TOGARAM1: variants seen among roughly 807,000 people sequenced by gnomAD.
The protein encoded by TOGARAM1 is TOG array regulator of axonemal microtubules 1.
Under a neutral mutation model 166.6 loss-of-function variants are expected in TOGARAM1, and 100 were observed. The observed-to-expected ratio is 0.60, with a 90% CI of 0.51 to 0.71. The LOEUF (loss-of-function observed/expected upper bound fraction) is 0.71. Among genes scored for constraint, TOGARAM1 ranks in the 30% least tolerant of loss-of-function variants. TOGARAM1 has a pLI of 0.00. For synonymous variants in TOGARAM1, 758 were observed against 763.8 expected, an observed-to-expected ratio of 0.99 and a Z score of 0.13; for missense variants, 2,029 against 2,102.7, an observed-to-expected ratio of 0.96 and a Z score of 0.69.
intron 16 of TOGARAM1, among the ~76,000 whole-genome samples, chr14:45,065,154 A>G (rs1462081110): frequency 6.6e-6 from 1 of 152,026 alleles, no homozygotes; most frequent in Non-Finnish European, 1.5e-5. Context: ...ACTCTTTCTC[A>G]AAAATAAATT....
chr14:45,067,517 A>T (rs543305781), intron 17 of TOGARAM1, among the ~76,000 whole-genome samples: 1 of 152,248 alleles, frequency 6.6e-6, no homozygotes, highest in Non-Finnish European at 1.5e-5. Flanking sequence ...TTTTTGCTTG[A>T]TCAGAATTTA....
chr14:44,984,689 C>T (rs1182787704), intron 1 of TOGARAM1, among the ~76,000 whole-genome samples: 1 of 151,534 alleles, frequency 6.6e-6, no homozygotes. Context: ...GTAGAAGGAT[C>T]GATAGAGCCC....
chr14:44,971,172 T>C (rs1400273036), intron 1 of TOGARAM1, among the ~76,000 whole-genome samples: 2 of 152,194 alleles, frequency 1.3e-5, no homozygotes, highest in African/African-American at 2.4e-5. Context: ...AATCCACCAG[T>C]AAACCCATCT....
At chr14:44,992,070 G>C (rs7153451) in intron 1 of TOGARAM1, among the ~76,000 whole-genome samples, 14,744 of 55,102 alleles carry the variant, frequency 0.27, 2,066 homozygotes, top group African/African-American at 0.51. Flanking sequence ...GACCCTGTCT[G>C]TTAAAAAAAA....
intron 1 of TOGARAM1, among the ~76,000 whole-genome samples, chr14:44,968,735 A>G (rs1337974141): frequency 7.2e-5 from 11 of 152,208 alleles, no homozygotes; most frequent in Admixed American, 2.0e-4. Flanking sequence ...CATAGTTTAC[A>G]TTAAGATTCA....
intron 15 of TOGARAM1, 72 bp downstream of exon 15, chr14:45,052,634 G>A (rs1442398840): frequency 2.2e-5 from 30 of 1,339,928 alleles, no homozygotes; most frequent in Non-Finnish European, 3.1e-5. Flanking sequence ...GTAAAGGATA[G>A]GAATAATTAT....
chr14:45,021,514 T>G (rs936295035), intron 7 of TOGARAM1, among the ~76,000 whole-genome samples: 1 of 152,070 alleles, frequency 6.6e-6, no homozygotes, highest in African/African-American at 2.4e-5. Context: ...ATTTACGATT[T>G]TAGTTACTTT....
chr14:45,013,571 A>G (rs1802497123), intron 7 of TOGARAM1, among the ~76,000 whole-genome samples: 1 of 152,230 alleles, frequency 6.6e-6, no homozygotes, highest in African/African-American at 2.4e-5. Context: ...GTATTCATAC[A>G]TTACACAACT....
At chr14:44,992,692 A>G (rs963539195) in intron 1 of TOGARAM1, among the ~76,000 whole-genome samples, 10 of 132,772 alleles carry the variant, frequency 7.5e-5, no homozygotes, top group Middle Eastern at 4.6e-3. Context: ...ATCCTGGCTC[A>G]CTGCAAGCTC....
At chr14:45,015,524 A>G (rs1468778312) in intron 7 of TOGARAM1, among the ~76,000 whole-genome samples, 1 of 151,286 alleles carries the variant, frequency 6.6e-6, no homozygotes, top group Non-Finnish European at 1.5e-5. Context: ...AAACATTCAA[A>G]TGTAAATTAA....
intron 1 of TOGARAM1, among the ~76,000 whole-genome samples, chr14:44,991,857 A>G (rs963286046): frequency 4.6e-5 from 7 of 152,094 alleles, no homozygotes; most frequent in East Asian, 1.9e-4. Flanking sequence ...TCTTATTTCT[A>G]TAGTTTGCAT....
chr14:44,966,596 A>AT (rs1273115144), intron 1 of TOGARAM1, among the ~76,000 whole-genome samples: 2 of 152,048 alleles, frequency 1.3e-5, no homozygotes, highest in African/African-American at 4.8e-5. Context: ...ATTACATATT[A>AT]TTTTTTGTTA....
intron 1 of TOGARAM1, among the ~76,000 whole-genome samples, chr14:44,971,654 T>C (rs541463846): frequency 2.6e-4 from 40 of 152,326 alleles, no homozygotes; most frequent in African/African-American, 9.6e-4. Flanking sequence ...CGATTTTAGA[T>C]CTTTCTTCTT....
In TOGARAM1 at chr14:45,046,633, G is replaced by A. The variant is rs1882080972; in HGVS notation, c.4243G>A (p.Ala1415Thr). ...FMEPERILSA[A>T]KDMAERILPA... is the part of the protein sequence containing the mutation. ...GGAACCAGAACGTATTTTATCTGCA[G>A]CAAAGGATATGGCTGAACGCATATT... is the stretch of plus-strand genomic sequence containing the variant. Residue 1415 changes from alanine (A) to threonine (T), a missense_variant, in exon 14 of 20, where the codon GCA becomes ACA. By Grantham distance (58) the Ala-to-Thr change is moderately conservative. Transcript: ENST00000361462. 7.1e-7 allele frequency: 1 copy of A among 1,416,346 alleles called. No homozygotes were observed. The highest frequency in any genetic ancestry group is 1.7e-5 in the South Asian group (1 of 58,938). 87.7% of individuals were successfully genotyped at this position (1,416,346 alleles called of 1,614,324 possible).
chr14:45,043,696 A>T lies in TOGARAM1; in HGVS notation c.3823A>T (p.Ile1275Phe). ...TTCTTTTTCTCATAGGGAGAAGAAA[A>T]TTGAGGGACTGAATTTTATTAGATG... is the stretch of plus-strand genomic sequence containing the variant. The part of the protein sequence containing the change: ...LLADEDWEKK[I>F]EGLNFIRCLA... The change falls in exon 12 of 20, where the codon ATT becomes TTT. Residue 1275 changes from isoleucine (I) to phenylalanine (F), a missense_variant. By Grantham distance (21) the Ile-to-Phe change is conservative. Coordinates refer to ENST00000361462, the MANE Select transcript of TOGARAM1 (RefSeq NM_001308120.2). 6.2e-7 allele frequency: 1 copy of T among 1,601,102 alleles called. No homozygotes were observed. The highest frequency in any genetic ancestry group is 8.6e-7 in the Non-Finnish European group (1 of 1,168,290).
intron 1 of TOGARAM1, among the ~76,000 whole-genome samples, chr14:44,985,049 T>A (rs1427857009): frequency 2.6e-5 from 4 of 151,832 alleles, no homozygotes. Flanking sequence ...AGTCTCGCTC[T>A]GTCACCCAGG....
At chr14:45,063,263 G>A (rs1034503928) in intron 16 of TOGARAM1, among the ~76,000 whole-genome samples, 15 of 151,942 alleles carry the variant, frequency 9.9e-5, no homozygotes, top group Non-Finnish European at 1.8e-4. Flanking sequence ...GTTTTGTTGT[G>A]GACATATGTT....
intron 13 of TOGARAM1, among the ~76,000 whole-genome samples, chr14:45,045,682 C>T (rs12893401): frequency 5.8e-5 from 5 of 85,634 alleles, no homozygotes; most frequent in African/African-American, 3.0e-4. Context: ...TATATATATA[C>T]ACATATATAC....
At chr14:45,073,196 A>G (rs1352885121) in intron 19 of TOGARAM1, 100 bp from the exon 20 acceptor site, 2 of 1,165,698 alleles carry the variant, frequency 1.7e-6, no homozygotes, top group East Asian at 2.6e-5. Flanking sequence ...GACAAATTAC[A>G]TAAGGAAGAA....
Sources: gnomAD v4.1 joint callset for allele counts (sites outside exome capture counted in the v4.1 genomes callset) on GRCh38, gnomAD v4.1.1 for gene constraint, MANE v1.5 for transcripts, NCBI Gene and HGNC (gene_info 2026-07-23, HGNC 2026-07-21) for gene names.